Variants in TMEM135 observed in about 807,000 individuals in gnomAD.
The protein encoded by TMEM135 is peroxisomal membrane protein 52.
Under a neutral mutation model 60.3 loss-of-function variants are expected in TMEM135, and 30 were observed. The ratio of observed to expected loss-of-function variants is 0.50; its 90% CI spans 0.37 to 0.68. The LOEUF is 0.68. Among genes scored for constraint, TMEM135 ranks in the 30% least tolerant of loss-of-function variants. The pLI is 0.00. For synonymous variants in TMEM135, 190 were observed against 186.7 expected (o/e 1.02, Z -0.14); for missense variants, 468 against 548.8 (o/e 0.85, Z 1.47).
chr11:87,323,431 A>G lies in TMEM135; in HGVS notation c.*2098A>G. 3 of 454,028 alleles carry G rather than the reference A, an allele frequency of 6.6e-6. No homozygotes were observed. The highest frequency in any genetic ancestry group is 1.3e-5 in the Non-Finnish European group (3 of 226,746). 28.1% of individuals were successfully genotyped at this position (454,028 alleles called of 1,614,324 possible). ...ACAAAGAAACTTTGTGTTTTTGAAG[A>G]CAATCAGAATGATTACCTTTCTACC... On this transcript the variant is annotated 3_prime_UTR_variant, in exon 15 of 15. Coordinates refer to ENST00000305494, the MANE Select transcript of TMEM135 (RefSeq NM_022918.4).
intron 6 of TMEM135, among the ~76,000 whole-genome samples, chr11:87,257,990 A>G (rs1303383663): frequency 1.3e-5 from 2 of 152,174 alleles, no homozygotes; most frequent in Non-Finnish European, 2.9e-5. Context: ...TTCCTATACC[A>G]TATGTACGTC....
intron 4 of TMEM135, among the ~76,000 whole-genome samples, chr11:87,126,597 A>AATATATAT (rs57158448): frequency 6.7e-6 from 1 of 150,246 alleles, no homozygotes; most frequent in Non-Finnish European, 1.5e-5. Flanking sequence ...TGCTTTTTAA[A>AATATATAT]ATATATATAT....
chr11:87,262,102 A>G (rs12284102), intron 6 of TMEM135, among the ~76,000 whole-genome samples: 53,703 of 152,048 alleles, frequency 0.35, 10,054 homozygotes, highest in Non-Finnish European at 0.42. Flanking sequence ...ATAAATAAGT[A>G]TTTAAACCTT....
intron 5 of TMEM135, among the ~76,000 whole-genome samples, chr11:87,210,713 C>G (rs1329603393): frequency 1.3e-5 from 2 of 152,060 alleles, no homozygotes; most frequent in African/African-American, 4.8e-5. Context: ...AAACTTAAGG[C>G]CAATATCCCT....
chr11:87,288,063 G>A lies in TMEM135; in HGVS notation c.510-7719G>A, dbSNP rs534896010. On this transcript the variant is annotated intron_variant, in intron 6 of 14. Transcript: ENST00000305494. ...AGTAAAAAGTTATATTTTCCTGCAT[G>A]CCTCTTAACTCATCCAACTTCAATA... Among the ~76,000 whole-genome samples, 343 of 152,256 alleles carry A rather than the reference G, an allele frequency of 2.3e-3. 1 individual carries two copies. Among genetic ancestry groups the A allele is most frequent in the Admixed American group, 4.3e-3 (66 of 15,288 alleles).
chr11:87,263,005 A>AG (rs1200387838), intron 6 of TMEM135, among the ~76,000 whole-genome samples: 1 of 151,700 alleles, frequency 6.6e-6, no homozygotes, highest in Non-Finnish European at 1.5e-5. Context: ...TTTTCATGGA[A>AG]AAAAAAAACC....
chr11:87,178,300 C>T (rs1424708942), intron 5 of TMEM135, among the ~76,000 whole-genome samples: 1 of 152,260 alleles, frequency 6.6e-6, no homozygotes, highest in East Asian at 1.9e-4. Context: ...TTTTGAAGCC[C>T]TGTGCCAGGA....
intron 4 of TMEM135, among the ~76,000 whole-genome samples, chr11:87,133,098 G>A (rs1307431933): frequency 6.6e-6 from 1 of 152,146 alleles, no homozygotes; most frequent in African/African-American, 2.4e-5. Context: ...CACATCCTGA[G>A]GTGAGAGGGG....
chr11:87,263,047 G>A (rs1357367830), intron 6 of TMEM135, among the ~76,000 whole-genome samples: 1 of 151,574 alleles, frequency 6.6e-6, no homozygotes, highest in Non-Finnish European at 1.5e-5. Flanking sequence ...TAATATGTAA[G>A]CCAGTTACGT....
intron 5 of TMEM135, among the ~76,000 whole-genome samples, chr11:87,193,271 G>A (rs185895870): frequency 6.6e-6 from 1 of 152,130 alleles, no homozygotes. Flanking sequence ...GTGTAGTGGT[G>A]GTGAGATCTG....
chr11:87,130,458 T>C (rs1166097639), intron 4 of TMEM135, among the ~76,000 whole-genome samples: 1 of 152,162 alleles, frequency 6.6e-6, no homozygotes, highest in Non-Finnish European at 1.5e-5. Context: ...AGAAATCATA[T>C]GACTAATTCC....
At chr11:87,205,840 A>G (rs1340766529) in intron 5 of TMEM135, among the ~76,000 whole-genome samples, 1 of 152,124 alleles carries the variant, frequency 6.6e-6, no homozygotes, top group Non-Finnish European at 1.5e-5. Context: ...ACTGTTTCCC[A>G]ACATGCTACT....
At chr11:87,247,221 T>C (rs1941300911) in intron 6 of TMEM135, among the ~76,000 whole-genome samples, 1 of 152,118 alleles carries the variant, frequency 6.6e-6, no homozygotes, top group South Asian at 2.1e-4. Context: ...AAGTTTTGTC[T>C]CAGAGGAGTA....
Position 87,163,979 on chromosome 11 carries a change from T to G in TMEM135, c.462+6573T>G, listed in dbSNP as rs919789595. On this transcript the variant is annotated intron_variant, in intron 5 of 14. Coordinates refer to ENST00000305494, the MANE Select transcript of TMEM135 (RefSeq NM_022918.4). ...GTAGGTTGCGAAAATTTTCTCCCATTTTGTAGGATGCCTGTTCACTCTGAT... is the reference window on the plus strand; with the variant it reads ...GTAGGTTGCGAAAATTTTCTCCCATGTTGTAGGATGCCTGTTCACTCTGAT... Among the ~76,000 whole-genome samples, 85 of 148,688 alleles carry G rather than the reference T, an allele frequency of 5.7e-4. No individual in the cohort carries two copies. In the East Asian group the frequency reaches 0.013, roughly 23 times the overall value.
chr11:87,234,410 T>C (rs1355385532), intron 5 of TMEM135, among the ~76,000 whole-genome samples: 1 of 152,098 alleles, frequency 6.6e-6, no homozygotes, highest in East Asian at 1.9e-4. Flanking sequence ...TCAGTAAATA[T>C]TTGTTTAATG....
At chr11:87,074,010 G>A (rs1368647021) in intron 3 of TMEM135, among the ~76,000 whole-genome samples, 2 of 152,078 alleles carry the variant, frequency 1.3e-5, no homozygotes, top group African/African-American at 4.8e-5. Flanking sequence ...CCGTCACCCA[G>A]GCTGGAGTAT....
chr11:87,278,032 T>C (rs565799536), intron 6 of TMEM135, among the ~76,000 whole-genome samples: 4 of 152,330 alleles, frequency 2.6e-5, no homozygotes, highest in Admixed American at 1.3e-4. Context: ...TCCTATTGCC[T>C]TCAGGACAGT....
chr11:87,169,319 T>C (rs1454458203), intron 5 of TMEM135, among the ~76,000 whole-genome samples: 5 of 150,380 alleles, frequency 3.3e-5, no homozygotes, highest in Admixed American at 6.7e-5. Flanking sequence ...TTAATATTGT[T>C]ATGTGTGAAT....
At chr11:87,163,494 A>G (rs1035913328) in intron 5 of TMEM135, among the ~76,000 whole-genome samples, 10 of 151,562 alleles carry the variant, frequency 6.6e-5, no homozygotes, top group Non-Finnish European at 1.5e-4. Context: ...GCTGCAATAA[A>G]CATAAGTGTG....
Sources: allele counts gnomAD v4.1 joint callset (sites outside exome capture counted in the v4.1 genomes callset), GRCh38; gene constraint gnomAD v4.1.1; transcripts MANE v1.5; gene names NCBI Gene and HGNC (gene_info 2026-07-23, HGNC 2026-07-21).